Variants in SPOCK2 observed in about 807,000 individuals in gnomAD.
SPOCK2 encodes testican-2.
Under a neutral mutation model 60.1 loss-of-function variants are expected in SPOCK2, and 39 were observed. That is an observed-to-expected ratio of 0.65 (90% CI 0.50 to 0.85). SPOCK2 has a LOEUF of 0.85. SPOCK2 is among the 40% of genes least tolerant of loss of function. The probability of loss-of-function intolerance (pLI) is 0.00; values close to 1 mark genes in which losing one functional copy is unlikely to be tolerated. For missense variants in SPOCK2, 523 were observed against 567.4 expected, an observed-to-expected ratio of 0.92 and a Z score of 0.80; for synonymous variants, 217 against 231.5, an observed-to-expected ratio of 0.94 and a Z score of 0.57.
intron 1 of SPOCK2, among the ~76,000 whole-genome samples, chr10:72,076,342 G>C (rs993160821): frequency 6.6e-6 from 1 of 152,202 alleles, no homozygotes; most frequent in Non-Finnish European, 1.5e-5. Context: ...TTTCAGTGCA[G>C]TGTTGGGTGT....
chr10:72,063,083 A>G lies in SPOCK2; in HGVS notation c.1071T>C (p.Cys357=). 6.4e-7 allele frequency: 1 copy of G among 1,555,010 alleles called. No individual in the cohort carries two copies. Among genetic ancestry groups the G allele is most frequent in the South Asian group, 1.2e-5 (1 of 84,276 alleles). Residue 357 remains cysteine, a synonymous_variant, in exon 10 of 11, where the codon TGT becomes TGC. Transcript: ENST00000373109. ...QCDQSSGDCW[C]VDQLGLELTG... The stretch of plus-strand genomic sequence containing the variant: ...TCAGCTCCAGGCCCAGCTGGTCCAC[A>G]CACCAGCAGTCACCGCTGCTCTGGT...
At position 72,062,966 on chromosome 10, in the gene SPOCK2, C is replaced by A; in HGVS notation, c.1129+59G>T. 1 of 1,582,596 alleles carries A rather than the reference C, an allele frequency of 6.3e-7. No homozygotes were observed. Among genetic ancestry groups the A allele is most frequent in the Non-Finnish European group, 8.6e-7 (1 of 1,166,848 alleles). On this transcript the variant is annotated intron_variant, in intron 10 of 10. Coordinates refer to ENST00000373109, the MANE Select transcript of SPOCK2 (RefSeq NM_001244950.2). This position sits in a 1 kb window ranked among gnomAD's most constrained non-coding sequence, Gnocchi z 4.3. ...CTTCTGGCACGCACCCCCCAGCATCCCACGACAAGGGCCCCCAGGCCTGGG... is the reference window on the plus strand; with the variant it reads ...CTTCTGGCACGCACCCCCCAGCATCACACGACAAGGGCCCCCAGGCCTGGG...
Position 72,062,727 on chromosome 10 carries a change from G to C in SPOCK2, c.*33C>G. The C allele has an allele frequency of 6.3e-7, 1 of 1,584,036 alleles. No homozygotes were observed. Among genetic ancestry groups the C allele is most frequent in the Non-Finnish European group, 8.5e-7 (1 of 1,172,508 alleles). The stretch of plus-strand genomic sequence containing the variant: ...TGCTGCTGCTCAGAGCTCTGCTGTT[G>C]AGTCCCCCCCGGCAGCCGGCTCCTG... On this transcript the variant is annotated 3_prime_UTR_variant, in exon 11 of 11. Coordinates refer to ENST00000373109, the MANE Select transcript of SPOCK2 (RefSeq NM_001244950.2). The surrounding 1 kb of genome is among the most constrained non-coding windows in gnomAD (Gnocchi z 4.3).
At chr10:72,070,133 T>C in intron 5 of SPOCK2, 179 bp downstream of exon 5, 1 of 587,834 alleles carries the variant, frequency 1.7e-6, no homozygotes, top group Non-Finnish European at 3.0e-6. Context: ...CTCAGGTAGT[T>C]CCAGCCAGGG....
At chr10:72,067,884 G>T in intron 6 of SPOCK2, 152 bp from the exon 7 acceptor site, 2 of 1,271,320 alleles carry the variant, frequency 1.6e-6, no homozygotes, top group Non-Finnish European at 2.1e-6. Context: ...GCTTCCTCTC[G>T]AGTCCTCTCC....
At chr10:72,079,404 C>T (rs1840754858) in intron 1 of SPOCK2, among the ~76,000 whole-genome samples, 1 of 152,150 alleles carries the variant, frequency 6.6e-6, no homozygotes, top group Non-Finnish European at 1.5e-5. Flanking sequence ...CTGGGGGCCC[C>T]CGTTCTCCAG....
At position 72,078,112 on chromosome 10, in the gene SPOCK2, A is replaced by G. The variant is rs11000167; in HGVS notation, c.190-5202T>C. Among the ~76,000 whole-genome samples the G allele has an allele frequency of 3.0e-3, 458 of 152,382 alleles. 2 individuals are homozygous for G. The highest frequency in any genetic ancestry group is 9.8e-3 in the African/African-American group (407 of 41,598). On this transcript the variant is annotated intron_variant, in intron 1 of 10. Transcript: ENST00000373109. Reference sequence around the variant, plus strand: ...GTCATTTCCACTGCTGGGTAGGAATACAGAGAATTCTGACATCTTTCTGCT... The same window carrying G: ...GTCATTTCCACTGCTGGGTAGGAATGCAGAGAATTCTGACATCTTTCTGCT...
At position 72,088,046 on chromosome 10, in the gene SPOCK2, G is replaced by A. The variant is rs569923102; in HGVS notation, c.189+94C>T. ...AGCCGGCCAGGCTGCGGAGCCTCGGGCTGCGACGTGCGGCGGCCGCTCCCG... is the reference window on the plus strand; with the variant it reads ...AGCCGGCCAGGCTGCGGAGCCTCGGACTGCGACGTGCGGCGGCCGCTCCCG... On this transcript the variant is annotated intron_variant, in intron 1 of 10. Coordinates refer to ENST00000373109, the MANE Select transcript of SPOCK2 (RefSeq NM_001244950.2). The A allele has an allele frequency of 1.5e-4, 221 of 1,482,774 alleles. No individual in the cohort carries two copies. In the African/African-American group the frequency reaches 2.8e-3, roughly 19 times the overall value. 91.9% of individuals were successfully genotyped at this position (1,482,774 alleles called of 1,614,324 possible). A position where few individuals can be genotyped will look rare whatever the true frequency, so the allele number is the denominator to read the frequency against.
At chr10:72,067,773 G>C (rs1424576576) in intron 6 of SPOCK2, 41 bp from the exon 7 acceptor site, 3 of 1,599,162 alleles carry the variant, frequency 1.9e-6, no homozygotes, top group Non-Finnish European at 2.6e-6. Flanking sequence ...AATGTGCAGT[G>C]GAGCAGCAGG....
At chr10:72,081,256 TG>T (rs1840779792) in intron 1 of SPOCK2, among the ~76,000 whole-genome samples, 1 of 152,198 alleles carries the variant, frequency 6.6e-6, no homozygotes, top group African/African-American at 2.4e-5. Context: ...TCTTCCAAAC[TG>T]AGAACTTGGA....
At chr10:72,072,798 G>T in intron 2 of SPOCK2, 104 bp downstream of exon 2, 6 of 1,509,508 alleles carry the variant, frequency 4.0e-6, no homozygotes, top group African/African-American at 1.4e-5. Context: ...CACACTGGAG[G>T]CTGGCAGGGA....
chr10:72,075,718 G>A (rs368686162), intron 1 of SPOCK2, among the ~76,000 whole-genome samples: 3 of 152,172 alleles, frequency 2.0e-5, no homozygotes, highest in African/African-American at 7.2e-5. Flanking sequence ...CACTGCCCCC[G>A]GTTCCAGCCT....
Position 72,062,621 on chromosome 10 carries a change from C to T in SPOCK2, c.*139G>A, listed in dbSNP as rs1840506481. On this transcript the variant is annotated 3_prime_UTR_variant, in exon 11 of 11. Transcript: ENST00000373109. The surrounding 1 kb of genome is among the most constrained non-coding windows in gnomAD (Gnocchi z 4.3). ...CCAGCCATCTGTGCCACACACATGC[C>T]ATGCACACTCACACTCCCAGTCCCC... is the stretch of plus-strand genomic sequence containing the variant. The T allele has an allele frequency of 1.4e-6, 2 of 1,462,386 alleles. No individual in the cohort carries two copies. Among genetic ancestry groups the T allele is most frequent in the African/African-American group, 1.4e-5 (1 of 70,814 alleles). The allele number at this position is 1,462,386 out of a possible 1,614,324, so 90.6% of individuals were successfully genotyped here.
chr10:72,068,232 A>T lies in SPOCK2; in HGVS notation c.544T>A (p.Cys182Ser). 6.2e-7 allele frequency: 1 copy of T among 1,611,420 alleles called. No individual in the cohort carries two copies. Reference sequence around the variant, plus strand: ...GAGGTGGCAGCCTGCTCCGTGGGGCAGGGGCAGGGGCCCTCGCATCGCACC... The same window carrying T: ...GAGGTGGCAGCCTGCTCCGTGGGGCTGGGGCAGGGGCCCTCGCATCGCACC... The part of the protein sequence containing the change: ...LAVRCEGPCP[C>S]PTEQAATSTA... Residue 182 changes from cysteine to serine, a missense_variant, in exon 6 of 11, where the codon TGC (cysteine) becomes AGC (serine). Transcript: ENST00000373109.
In SPOCK2 at chr10:72,086,554, C is replaced by G. The variant is rs77321695; in HGVS notation, c.189+1586G>C. ...ATGGGCCGGCCTGCTGCCGCCCCCT[C>G]GCTGCTGTGGCCGGGCTGCTGCCCA... On this transcript the variant is annotated intron_variant, in intron 1 of 10. Transcript: ENST00000373109. The G allele has an allele frequency of 7.4e-4, 850 of 1,143,532 alleles. 1 individual carries two copies. In the African/African-American group the frequency reaches 0.013, roughly 18 times the overall value. 70.8% of individuals were successfully genotyped at this position (1,143,532 alleles called of 1,614,324 possible). A position where few individuals can be genotyped will look rare whatever the true frequency, so the allele number is the denominator to read the frequency against.
rs768520250 is a variant in SPOCK2, at chr10:72,072,462, C to T, written c.244+41G>A. On this transcript the variant is annotated intron_variant, in intron 3 of 10. Coordinates refer to ENST00000373109, the MANE Select transcript of SPOCK2 (RefSeq NM_001244950.2). ...CTTGCCCTCTGGTCTCAAGTCTTCA[C>T]ACGTGTCAGTCACCTTCCCCCGCCG... The T allele has an allele frequency of 4.3e-6, 7 of 1,613,232 alleles. No individual in the cohort carries two copies. In the South Asian group the frequency reaches 5.5e-5, roughly 13 times the overall value.
intron 5 of SPOCK2, among the ~76,000 whole-genome samples, chr10:72,069,736 G>T (rs1345563338): frequency 1.3e-5 from 2 of 152,136 alleles, no homozygotes; most frequent in Non-Finnish European, 2.9e-5. Context: ...GGGATTGCAG[G>T]CGTGAGCCAC....
chr10:72,070,451 C>G (rs1840630713), intron 4 of SPOCK2, 25 bp from the exon 5 acceptor site: 1 of 1,610,144 alleles, frequency 6.2e-7, no homozygotes, highest in Non-Finnish European at 8.5e-7. Flanking sequence ...GGGGGGCACA[C>G]CAGGGTGGAA....
At chr10:72,072,056 G>A (rs1840653699) in intron 4 of SPOCK2, 88 bp downstream of exon 4, 19 of 1,048,406 alleles carry the variant, frequency 1.8e-5, no homozygotes, top group Non-Finnish European at 2.0e-5. Context: ...AACAGCAGTA[G>A]ATGGCTAATT....
Sources: gnomAD v4.1 joint callset for allele counts (sites outside exome capture counted in the v4.1 genomes callset) on GRCh38, gnomAD v4.1.1 for gene constraint, Gnocchi (gnomAD v3.1) non-coding constraint, MANE v1.5 for transcripts, NCBI Gene and HGNC (gene_info 2026-07-23, HGNC 2026-07-21) for gene names.